SS18: variants seen among roughly 807,000 people sequenced by gnomAD.
SS18 encodes protein SSXT.
A neutral mutation model predicts 72.5 loss-of-function variants in SS18; 28 were observed. That is an observed-to-expected ratio of 0.39 (90% CI 0.29 to 0.53). SS18 has a LOEUF of 0.53. Among genes scored for constraint, SS18 ranks in the 20% least tolerant of loss-of-function variants. SS18 has a pLI of 0.76. For missense variants in SS18, 518 were observed against 535.3 expected, an observed-to-expected ratio of 0.97 and a Z score of 0.32; for synonymous variants, 172 against 164.2, an observed-to-expected ratio of 1.05 and a Z score of -0.37.
At chr18:26,088,390 A>G (rs574425350) in intron 1 of SS18, among the ~76,000 whole-genome samples, 16 of 152,344 alleles carry the variant, frequency 1.1e-4, no homozygotes, top group South Asian at 8.3e-4. Flanking sequence ...TCCAAGTTTT[A>G]TAACAGCATG....
At chr18:26,037,026 T>C (rs2053637519) in intron 7 of SS18, among the ~76,000 whole-genome samples, 1 of 152,104 alleles carries the variant, frequency 6.6e-6, no homozygotes, top group Non-Finnish European at 1.5e-5. Context: ...CAATTCCTAA[T>C]CTATATATTT....
At chr18:26,049,800 G>A (rs2053889657) in intron 5 of SS18, among the ~76,000 whole-genome samples, 1 of 152,176 alleles carries the variant, frequency 6.6e-6, no homozygotes, top group African/African-American at 2.4e-5. Context: ...ACAAGCAAGG[G>A]CACCAACGCC....
intron 3 of SS18, among the ~76,000 whole-genome samples, chr18:26,059,734 C>T (rs2054086936): frequency 6.6e-6 from 1 of 152,186 alleles, no homozygotes; most frequent in Non-Finnish European, 1.5e-5. Context: ...CAAAGGAAAA[C>T]TTAATTCTCT....
At chr18:26,063,956 C>T (rs1598588135) in intron 3 of SS18, among the ~76,000 whole-genome samples, 1 of 151,866 alleles carries the variant, frequency 6.6e-6, no homozygotes, top group Non-Finnish European at 1.5e-5. Context: ...AGTACATATG[C>T]TATGGACAGT....
chr18:26,079,913 C>T (rs2054485650), intron 2 of SS18, among the ~76,000 whole-genome samples: 1 of 151,806 alleles, frequency 6.6e-6, no homozygotes, highest in African/African-American at 2.4e-5. Context: ...ACTTATTTTT[C>T]TCCTGTTACA....
intron 3 of SS18, among the ~76,000 whole-genome samples, chr18:26,061,382 AAG>A (rs138917015): frequency 0.015 from 2,210 of 152,366 alleles, 61 homozygotes; most frequent in African/African-American, 0.051. Context: ...GTAATTCTGT[AAG>A]AAAGTCAAAT....
chr18:26,034,721 G>A (rs1234760431), intron 9 of SS18, among the ~76,000 whole-genome samples: 4 of 152,012 alleles, frequency 2.6e-5, no homozygotes, highest in Admixed American at 1.3e-4. Context: ...CACACACAGG[G>A]CTAGGCATGA....
At chr18:26,036,867 T>C (rs9946487) in intron 7 of SS18, among the ~76,000 whole-genome samples, 23 of 152,116 alleles carry the variant, frequency 1.5e-4, no homozygotes, top group African/African-American at 5.3e-4. Flanking sequence ...GTAAATAAAA[T>C]TTTATTGGAA....
intron 4 of SS18, 65 bp from the exon 5 acceptor site, chr18:26,052,910 T>C (rs2053948627): frequency 7.2e-7 from 1 of 1,385,398 alleles, no homozygotes; most frequent in South Asian, 1.3e-5. Flanking sequence ...CAAAAGTACC[T>C]GGAAATAATT....
intron 4 of SS18, among the ~76,000 whole-genome samples, chr18:26,053,572 C>A (rs1029583959): frequency 6.6e-6 from 1 of 150,678 alleles, no homozygotes; most frequent in Non-Finnish European, 1.5e-5. Flanking sequence ...TAAGATAGAT[C>A]GCAGACCCAG....
In SS18 at chr18:26,067,512, T is replaced by C. The variant is rs1298843654; in HGVS notation, c.232-9770A>G. ...TGGAATGTCCAAATGGGTATGTCTA[T>C]TGGAAGCTGGATTCATGGCTCATAC... On this transcript the variant is annotated intron_variant, in intron 3 of 10. Transcript: ENST00000415083. 2.0e-5 allele frequency among the ~76,000 whole-genome samples: 3 copies of C among 152,178 alleles called. No homozygotes were observed. The East Asian group carries it at 5.8e-4, about 29-fold the overall frequency.
intron 10 of SS18, among the ~76,000 whole-genome samples, chr18:26,018,986 T>A (rs970875829): frequency 6.6e-6 from 1 of 152,168 alleles, no homozygotes; most frequent in East Asian, 1.9e-4. Flanking sequence ...GTTGTCTGTT[T>A]TGTTTTCTTA....
intron 2 of SS18, among the ~76,000 whole-genome samples, chr18:26,085,470 C>T (rs1421901638): frequency 6.6e-6 from 1 of 152,192 alleles, no homozygotes; most frequent in East Asian, 1.9e-4. Flanking sequence ...GAAAGCAAAC[C>T]AATACAATCT....
intron 3 of SS18, among the ~76,000 whole-genome samples, chr18:26,058,460 G>A (rs544592429): frequency 6.6e-6 from 1 of 152,322 alleles, no homozygotes; most frequent in South Asian, 2.1e-4. Flanking sequence ...GAAAGCAAAC[G>A]GTTAGTTTCG....
chr18:26,032,379 C>T lies in SS18; in HGVS notation c.1230+20G>A, dbSNP rs774977693. 18 of 1,607,088 alleles carry T rather than the reference C, an allele frequency of 1.1e-5. No individual in the cohort carries two copies. Among genetic ancestry groups the T allele is most frequent in the South Asian group, 3.3e-5 (3 of 89,904 alleles). On this transcript the variant is annotated intron_variant, in intron 10 of 10. Coordinates refer to ENST00000415083, the MANE Select transcript of SS18 (RefSeq NM_001007559.3). ...GTGAAGAAACAATGTGGCAATTCTG[C>T]AGCCGGTCAAACTACTTACCTGGTC...
chr18:26,040,195 G>A (rs1360369717), intron 5 of SS18, among the ~76,000 whole-genome samples: 1 of 152,180 alleles, frequency 6.6e-6, no homozygotes, highest in African/African-American at 2.4e-5. Context: ...GAACTACAGA[G>A]TTTCCAAAGT....
Position 26,035,956 on chromosome 18 carries a change from G to A in SS18, c.881-33C>T, listed in dbSNP as rs762802000. On this transcript the variant is annotated intron_variant, in intron 7 of 10. Coordinates refer to ENST00000415083, the MANE Select transcript of SS18 (RefSeq NM_001007559.3). This position sits in a 1 kb window ranked among gnomAD's most constrained non-coding sequence, Gnocchi z 4.4. ...AATTCGACAAGAGACAGGAAGAAAC[G>A]TTAATGGCCACTGAGTGAAAACCCT... 1.3e-5 allele frequency: 18 copies of A among 1,391,230 alleles called. No homozygotes were observed. In the African/African-American group the frequency reaches 1.8e-4, roughly 14 times the overall value. 86.2% of individuals were successfully genotyped at this position (1,391,230 alleles called of 1,614,324 possible).
chr18:26,054,748 T>C (rs1320333503), intron 4 of SS18, among the ~76,000 whole-genome samples: 1 of 151,962 alleles, frequency 6.6e-6, no homozygotes, highest in Non-Finnish European at 1.5e-5. Context: ...TCTCTCTTTT[T>C]TTTTTTTTTG....
At chr18:26,081,370 T>C (rs2054519951) in intron 2 of SS18, 1 of 152,184 alleles carries the variant, frequency 6.6e-6, no homozygotes, top group Non-Finnish European at 1.5e-5. Flanking sequence ...TTTGTACTTT[T>C]AGTAGAGATG....
Sources: allele counts gnomAD v4.1 joint callset (sites outside exome capture counted in the v4.1 genomes callset), GRCh38; gene constraint gnomAD v4.1.1; non-coding constraint Gnocchi (gnomAD v3.1); transcripts MANE v1.5; gene names NCBI Gene and HGNC (gene_info 2026-07-23, HGNC 2026-07-21).